The following CACNA2D1 variants were observed in gnomAD, a reference collection of about 807,000 sequenced individuals.
CACNA2D1 encodes the protein calcium voltage-gated channel auxiliary subunit alpha2delta 1, also known as voltage-dependent calcium channel subunit alpha-2/delta-1.
A neutral mutation model predicts 171.5 loss-of-function variants in CACNA2D1; 53 were observed. That is an observed-to-expected ratio of 0.31 (90% CI 0.25 to 0.39). CACNA2D1 has a LOEUF of 0.39. CACNA2D1 is among the 10% of genes least tolerant of loss of function. CACNA2D1 has a pLI of 1.00. For missense variants in CACNA2D1, 903 were observed against 1,299.8 expected, an observed-to-expected ratio of 0.69 and a Z score of 4.69; for synonymous variants, 442 against 443.1, an observed-to-expected ratio of 1.00 and a Z score of 0.03.
At chr7:82,322,387 G>C (rs1816085862) in intron 3 of CACNA2D1, among the ~76,000 whole-genome samples, 1 of 149,728 alleles carries the variant, frequency 6.7e-6, no homozygotes, top group Non-Finnish European at 1.5e-5. Context: ...GACTGAAGTG[G>C]GAGGATCCCC....
At chr7:82,198,802 G>A (rs964830530) in intron 3 of CACNA2D1, among the ~76,000 whole-genome samples, 5 of 151,904 alleles carry the variant, frequency 3.3e-5, no homozygotes, top group African/African-American at 7.3e-5. Context: ...CAGTTAAAGC[G>A]AGAGTTTGTG....
At chr7:82,300,118 G>A (rs1047063688) in intron 3 of CACNA2D1, among the ~76,000 whole-genome samples, 12 of 152,006 alleles carry the variant, frequency 7.9e-5, no homozygotes, top group South Asian at 6.2e-4. Flanking sequence ...AAACAACATC[G>A]TCAAGCAGGC....
chr7:82,274,430 C>T (rs1370956220), intron 3 of CACNA2D1, among the ~76,000 whole-genome samples: 1 of 152,094 alleles, frequency 6.6e-6, no homozygotes, highest in Non-Finnish European at 1.5e-5. Flanking sequence ...TCCCTAGTTC[C>T]TAGAAATAGC....
intron 3 of CACNA2D1, among the ~76,000 whole-genome samples, chr7:82,221,147 T>C (rs180871739): frequency 1.3e-3 from 191 of 152,234 alleles, no homozygotes; most frequent in African/African-American, 4.4e-3. Flanking sequence ...AAACTTTTCA[T>C]TCTTTGTTAC....
chr7:82,187,857 T>C (rs1797918594), intron 3 of CACNA2D1, among the ~76,000 whole-genome samples: 1 of 152,114 alleles, frequency 6.6e-6, no homozygotes, highest in African/African-American at 2.4e-5. Flanking sequence ...GATCAAGGCA[T>C]TGGCAGAGGC....
intron 1 of CACNA2D1, among the ~76,000 whole-genome samples, chr7:82,377,641 G>GA: frequency 6.6e-6 from 1 of 152,256 alleles, no homozygotes. Context: ...GAGTCACTGT[G>GA]ATTAGAGGTT....
chr7:82,104,895 A>G (rs258681), intron 6 of CACNA2D1, among the ~76,000 whole-genome samples: 54,622 of 151,880 alleles, frequency 0.36, 10,181 homozygotes, highest in East Asian at 0.4. Flanking sequence ...AAAATTATAG[A>G]TGACTGCCTT....
At chr7:82,315,170 G>C in intron 3 of CACNA2D1, among the ~76,000 whole-genome samples, 1 of 151,964 alleles carries the variant, frequency 6.6e-6, no homozygotes, top group Non-Finnish European at 1.5e-5. Context: ...ATAACGTGTC[G>C]TGTCTCTTAA....
intron 6 of CACNA2D1, among the ~76,000 whole-genome samples, chr7:82,085,836 C>T (rs185909734): frequency 6.6e-6 from 1 of 152,050 alleles, no homozygotes; most frequent in East Asian, 1.9e-4. Flanking sequence ...GAAAGAGAAG[C>T]AATTATAATG....
At chr7:82,261,407 C>A (rs1049532177) in intron 3 of CACNA2D1, among the ~76,000 whole-genome samples, 2 of 152,124 alleles carry the variant, frequency 1.3e-5, no homozygotes, top group Admixed American at 6.5e-5. Flanking sequence ...CTCTTTTTTG[C>A]TCAGAGGTGA....
chr7:82,298,116 AATT>A (rs1419111556), intron 3 of CACNA2D1, among the ~76,000 whole-genome samples: 1 of 151,984 alleles, frequency 6.6e-6, no homozygotes, highest in Non-Finnish European at 1.5e-5. Flanking sequence ...ACCGACTGGT[AATT>A]ATTGAGTAAT....
At chr7:82,202,603 C>T (rs988545630) in intron 3 of CACNA2D1, among the ~76,000 whole-genome samples, 4 of 152,054 alleles carry the variant, frequency 2.6e-5, no homozygotes, top group Non-Finnish European at 4.4e-5. Flanking sequence ...CATTTTTGAC[C>T]GCGGTACAAG....
intron 3 of CACNA2D1, among the ~76,000 whole-genome samples, chr7:82,323,313 C>A (rs1045166875): frequency 1.3e-5 from 2 of 150,228 alleles, no homozygotes; most frequent in African/African-American, 4.9e-5. Context: ...TCTTTTTTTG[C>A]CTCACTTTGG....
At chr7:82,110,354 G>C (rs1166881018) in intron 6 of CACNA2D1, among the ~76,000 whole-genome samples, 2 of 152,148 alleles carry the variant, frequency 1.3e-5, no homozygotes, top group African/African-American at 2.4e-5. Context: ...AAAAGAGCTT[G>C]CTCGCTCTCT....
intron 2 of CACNA2D1, among the ~76,000 whole-genome samples, chr7:82,339,146 T>G (rs1224774917): frequency 6.6e-6 from 1 of 152,152 alleles, no homozygotes; most frequent in Non-Finnish European, 1.5e-5. Flanking sequence ...GAAAAAGAGT[T>G]AGAACTTACT....
intron 6 of CACNA2D1, among the ~76,000 whole-genome samples, chr7:82,110,400 G>A (rs1041021800): frequency 6.6e-6 from 1 of 152,136 alleles, no homozygotes; most frequent in African/African-American, 2.4e-5. Context: ...AGGACACACT[G>A]AGAAGACCCA....
chr7:81,979,104 C>T (rs1190538001), intron 24 of CACNA2D1, among the ~76,000 whole-genome samples: 4 of 151,786 alleles, frequency 2.6e-5, no homozygotes, highest in African/African-American at 4.8e-5. Context: ...TCCATTTATA[C>T]GACGTGTCTA....
At chr7:82,397,196 T>C (rs2129451322) in intron 1 of CACNA2D1, among the ~76,000 whole-genome samples, 1 of 152,316 alleles carries the variant, frequency 6.6e-6, no homozygotes, top group East Asian at 1.9e-4. Flanking sequence ...CATCAGTACT[T>C]GGTCTTTCTC....
intron 20 of CACNA2D1, among the ~76,000 whole-genome samples, chr7:81,992,638 TGTAA>T (rs761733371): frequency 6.6e-6 from 1 of 152,160 alleles, no homozygotes. Context: ...GAAATAAAAA[TGTAA>T]GTTTTTTCAA....
Sources: gnomAD v4.1 joint callset for allele counts (sites outside exome capture counted in the v4.1 genomes callset) on GRCh38, gnomAD v4.1.1 for gene constraint, MANE v1.5 for transcripts, NCBI Gene and HGNC (gene_info 2026-07-23, HGNC 2026-07-21) for gene names.